Variants in PDE4D observed in about 807,000 individuals in gnomAD.
PDE4D encodes phosphodiesterase 4D.
In PDE4D, 24 loss-of-function variants were observed where a neutral mutation model predicts 87.4. The observed-to-expected ratio is 0.27, with a 90% CI of 0.20 to 0.39. The LOEUF (loss-of-function observed/expected upper bound fraction) is 0.39. Ranked by LOEUF, PDE4D falls within the 10% of genes least tolerant of loss-of-function variation. PDE4D has a pLI of 1.00. For missense variants in PDE4D, 714 were observed against 1,041.0 expected, an observed-to-expected ratio of 0.69 and a Z score of 4.32; for synonymous variants, 384 against 383.2, an observed-to-expected ratio of 1.00 and a Z score of -0.02.
At chr5:59,727,156 C>T (rs946700930) in intron 1 of PDE4D, among the ~76,000 whole-genome samples, 1 of 152,060 alleles carries the variant, frequency 6.6e-6, no homozygotes, top group Non-Finnish European at 1.5e-5. Context: ...CTAAATTAAT[C>T]CAACAATAGC....
At chr5:59,928,450 C>G (rs1009171967) in intron 3 of PDE4D, among the ~76,000 whole-genome samples, 3 of 151,896 alleles carry the variant, frequency 2.0e-5, no homozygotes, top group African/African-American at 2.4e-5. Flanking sequence ...TGGTGGTGCG[C>G]GCCTATAATC....
chr5:60,385,492 G>A (rs920985242), intron 1 of PDE4D, among the ~76,000 whole-genome samples: 2 of 152,188 alleles, frequency 1.3e-5, no homozygotes, highest in East Asian at 3.9e-4. Flanking sequence ...ACTTGTAGCT[G>A]TTGTCTTGTA....
intron 1 of PDE4D, among the ~76,000 whole-genome samples, chr5:60,197,906 A>T (rs1475267414): frequency 1.3e-5 from 2 of 151,634 alleles, no homozygotes; most frequent in Non-Finnish European, 3.0e-5. Flanking sequence ...TGGTGGAGTC[A>T]TTAACACCCA....
chr5:59,820,929 A>G (rs1386802931), intron 1 of PDE4D, among the ~76,000 whole-genome samples: 4 of 152,152 alleles, frequency 2.6e-5, no homozygotes, highest in Admixed American at 6.6e-5. Flanking sequence ...TAGTAAGGGA[A>G]GTATAATAAA....
At chr5:59,557,955 A>G (rs1236630497) in intron 1 of PDE4D, among the ~76,000 whole-genome samples, 1 of 152,210 alleles carries the variant, frequency 6.6e-6, no homozygotes, top group African/African-American at 2.4e-5. Flanking sequence ...ACACCTGTTT[A>G]TAAAATTATG....
At chr5:59,807,572 C>T (rs1211236225) in intron 1 of PDE4D, among the ~76,000 whole-genome samples, 3 of 152,180 alleles carry the variant, frequency 2.0e-5, no homozygotes, top group African/African-American at 7.2e-5. Flanking sequence ...GAGCGGGTGG[C>T]CCTTTCCCTC....
rs191626903 is a variant in PDE4D, at chr5:59,734,271, G to T, written c.455+158897C>A. 8.5e-4 allele frequency among the ~76,000 whole-genome samples: 130 copies of T among 152,118 alleles called. 1 individual carries two copies. Among genetic ancestry groups the T allele is most frequent in the African/African-American group, 3.1e-3 (127 of 41,516 alleles). On this transcript the variant is annotated intron_variant, in intron 1 of 14. Coordinates refer to ENST00000340635, the MANE Select transcript of PDE4D (RefSeq NM_001104631.2). Reference sequence around the variant, plus strand: ...AGAAAAGAACCAATAGGATAAAATAGTGTATTCTATTCACAGCAACAGACT... The same window carrying T: ...AGAAAAGAACCAATAGGATAAAATATTGTATTCTATTCACAGCAACAGACT...
intron 2 of PDE4D, among the ~76,000 whole-genome samples, chr5:60,044,826 C>A (rs542627475): frequency 2.0e-5 from 3 of 152,134 alleles, no homozygotes; most frequent in Non-Finnish European, 4.4e-5. Flanking sequence ...AATAAACATA[C>A]GTGTGCATGT....
At chr5:59,404,341 G>A (rs138250417) in intron 1 of PDE4D, among the ~76,000 whole-genome samples, 133 of 152,198 alleles carry the variant, frequency 8.7e-4, no homozygotes, top group Non-Finnish European at 1.6e-3. Flanking sequence ...TTGGTTGCTT[G>A]TGCTTGTGGG....
chr5:60,222,620 A>G (rs1377105809), intron 1 of PDE4D, among the ~76,000 whole-genome samples: 2 of 152,260 alleles, frequency 1.3e-5, no homozygotes, highest in African/African-American at 4.8e-5. Flanking sequence ...TAATTGCTCC[A>G]TATCTATCTT....
chr5:59,266,612 A>G (rs1157875100), intron 1 of PDE4D, among the ~76,000 whole-genome samples: 1 of 151,798 alleles, frequency 6.6e-6, no homozygotes, highest in Admixed American at 6.6e-5. Context: ...TCCATGTTCT[A>G]TTTCTCAATA....
At chr5:59,421,673 A>T (rs1374022086) in intron 1 of PDE4D, among the ~76,000 whole-genome samples, 16 of 152,120 alleles carry the variant, frequency 1.1e-4, no homozygotes, top group Admixed American at 9.2e-4. Flanking sequence ...AACAACTGAA[A>T]TAATTTCCAA....
At chr5:59,622,786 G>A (rs983605143) in intron 1 of PDE4D, among the ~76,000 whole-genome samples, 1 of 152,170 alleles carries the variant, frequency 6.6e-6, no homozygotes, top group Non-Finnish European at 1.5e-5. Flanking sequence ...GTCGGGTGCT[G>A]TAAACTCAAA....
intron 1 of PDE4D, among the ~76,000 whole-genome samples, chr5:59,328,722 T>TA (rs1016780640): frequency 2.0e-5 from 3 of 152,288 alleles, no homozygotes; most frequent in Non-Finnish European, 4.4e-5. Flanking sequence ...GCATTGCATT[T>TA]AAAAAAATCA....
chr5:59,869,769 A>G (rs1019232430), intron 1 of PDE4D, among the ~76,000 whole-genome samples: 3 of 152,094 alleles, frequency 2.0e-5, no homozygotes, highest in African/African-American at 7.2e-5. Context: ...TTAAAGTGAA[A>G]TTTTCTTACT....
At chr5:58,990,174 G>A (rs1747548501) in intron 9 of PDE4D, among the ~76,000 whole-genome samples, 1 of 152,120 alleles carries the variant, frequency 6.6e-6, no homozygotes, top group African/African-American at 2.4e-5. Flanking sequence ...CAGGAATGAG[G>A]TGCCAACTCT....
intron 1 of PDE4D, among the ~76,000 whole-genome samples, chr5:60,238,718 G>T (rs1291707908): frequency 6.6e-6 from 1 of 151,590 alleles, no homozygotes; most frequent in Non-Finnish European, 1.5e-5. Flanking sequence ...ATATTTATTT[G>T]AAAGATTCCT....
intron 1 of PDE4D, among the ~76,000 whole-genome samples, chr5:59,411,700 A>G (rs189430222): frequency 3.1e-4 from 47 of 152,252 alleles, no homozygotes; most frequent in Admixed American, 1.3e-3. Context: ...CCTCATTTTA[A>G]TTTAATCACC....
intron 1 of PDE4D, among the ~76,000 whole-genome samples, chr5:59,666,594 C>G (rs1211110435): frequency 5.9e-5 from 9 of 152,220 alleles, no homozygotes; most frequent in Non-Finnish European, 1.5e-5. Context: ...AGTTCCGTCA[C>G]TGCATTTGGA....
Sources: allele counts gnomAD v4.1 joint callset (sites outside exome capture counted in the v4.1 genomes callset), GRCh38; gene constraint gnomAD v4.1.1; transcripts MANE v1.5; gene names NCBI Gene and HGNC (gene_info 2026-07-23, HGNC 2026-07-21).